Variants in PPP2R3A observed in about 807,000 individuals in gnomAD.
The protein encoded by PPP2R3A is serine/threonine-protein phosphatase 2A regulatory subunit B'' subunit alpha.
In PPP2R3A, 80 loss-of-function variants were observed where a neutral mutation model predicts 106.9. The ratio of observed to expected loss-of-function variants is 0.75; its 90% CI spans 0.62 to 0.90. The LOEUF is 0.90. PPP2R3A is among the 40% of genes least tolerant of loss of function. The pLI, the probability that PPP2R3A is intolerant of heterozygous loss-of-function variation, is 0.00. For synonymous variants in PPP2R3A, 483 were observed against 468.3 expected (o/e 1.03, Z -0.41); for missense variants, 1,386 against 1,350.4 (o/e 1.03, Z -0.41).
intron 13 of PPP2R3A, among the ~76,000 whole-genome samples, chr3:136,138,695 ATTTTTTTTTTTTTTTTTTT>A (rs747811648): frequency 7.9e-5 from 4 of 50,642 alleles, no homozygotes; most frequent in East Asian, 2.1e-3. Context: ...GAAATATTGA[ATTTTTTTTTTTTTTTTTTT>A]TTTTTTTTTT....
intron 13 of PPP2R3A, among the ~76,000 whole-genome samples, chr3:136,107,167 C>G (rs1408885147): frequency 6.6e-6 from 1 of 152,030 alleles, no homozygotes; most frequent in Admixed American, 6.6e-5. Flanking sequence ...CCATCATCTT[C>G]TAGTAACTCC....
rs551665333 is a variant in PPP2R3A, at chr3:135,987,681, C to T, written c.-440-13378C>T. On this transcript the variant is annotated intron_variant, in intron 1 of 13. Coordinates refer to ENST00000264977, the MANE Select transcript of PPP2R3A (RefSeq NM_002718.5). ...AGAATTGACTCACAGTAATTCTTCC[C>T]TCTCTGGCCATTTTTTGTCAGTCTC... 5.3e-5 allele frequency among the ~76,000 whole-genome samples: 8 copies of T among 151,822 alleles called. No homozygotes were observed. In the East Asian group the frequency reaches 5.8e-4, roughly 11 times the overall value.
At chr3:136,003,737 A>G (rs1396621097) in intron 2 of PPP2R3A, among the ~76,000 whole-genome samples, 1 of 152,068 alleles carries the variant, frequency 6.6e-6, no homozygotes, top group Non-Finnish European at 1.5e-5. Flanking sequence ...CATACCCTTC[A>G]TCTTCTTCCC....
At chr3:135,992,173 C>T (rs975657922) in intron 1 of PPP2R3A, among the ~76,000 whole-genome samples, 2 of 152,080 alleles carry the variant, frequency 1.3e-5, no homozygotes, top group Non-Finnish European at 1.5e-5. Context: ...TTCTTTTAAA[C>T]TGTTCTGTTG....
chr3:136,127,804 AAGC>A (rs1248888614), intron 13 of PPP2R3A, among the ~76,000 whole-genome samples: 1 of 152,170 alleles, frequency 6.6e-6, no homozygotes, highest in Non-Finnish European at 1.5e-5. Context: ...ATCAGACTAA[AAGC>A]AGATCTCTTG....
chr3:136,014,569 T>G (rs1367184332), intron 2 of PPP2R3A, among the ~76,000 whole-genome samples: 5 of 152,108 alleles, frequency 3.3e-5, no homozygotes, highest in African/African-American at 1.2e-4. Flanking sequence ...TGTATTTTAT[T>G]TATTTTGTTT....
At chr3:136,062,206 T>G (rs1936101379) in intron 5 of PPP2R3A, among the ~76,000 whole-genome samples, 1 of 152,100 alleles carries the variant, frequency 6.6e-6, no homozygotes, top group African/African-American at 2.4e-5. Flanking sequence ...TCTTAAATGG[T>G]TACTTGCATA....
intron 12 of PPP2R3A, among the ~76,000 whole-genome samples, chr3:136,103,610 T>C (rs1937438760): frequency 6.6e-6 from 1 of 152,192 alleles, no homozygotes; most frequent in Admixed American, 6.5e-5. Flanking sequence ...GAGCGGACTC[T>C]ATAGCTCATC....
At chr3:135,969,086 C>A (rs1937169354) in intron 1 of PPP2R3A, among the ~76,000 whole-genome samples, 1 of 152,084 alleles carries the variant, frequency 6.6e-6, no homozygotes, top group South Asian at 2.1e-4. Flanking sequence ...AATAAACACA[C>A]AAACACATAT....
At chr3:136,137,502 A>G (rs1219904056) in intron 13 of PPP2R3A, among the ~76,000 whole-genome samples, 1 of 119,518 alleles carries the variant, frequency 8.4e-6, no homozygotes, top group African/African-American at 3.0e-5. Flanking sequence ...TTTTTCCTTT[A>G]TATTAAAAAT....
At chr3:136,130,243 C>A (rs901103420) in intron 13 of PPP2R3A, among the ~76,000 whole-genome samples, 2 of 152,088 alleles carry the variant, frequency 1.3e-5, no homozygotes, top group East Asian at 3.9e-4. Flanking sequence ...TTTGCAGATG[C>A]CATGATTGTA....
intron 2 of PPP2R3A, among the ~76,000 whole-genome samples, chr3:136,016,479 T>G (rs1934271636): frequency 1.3e-5 from 2 of 152,166 alleles, no homozygotes; most frequent in African/African-American, 4.8e-5. Context: ...GTAGTAATTG[T>G]TTTATAAATT....
intron 4 of PPP2R3A, among the ~76,000 whole-genome samples, chr3:136,041,250 GTTTTTTTTTTT>G (rs1935267966): frequency 3.5e-5 from 2 of 56,588 alleles, no homozygotes; most frequent in Non-Finnish European, 7.4e-5. Flanking sequence ...TTTTTTTTTT[GTTTTTTTTTTT>G]GTTTTTTTTT....
At chr3:136,126,078 C>A (rs1938169418) in intron 13 of PPP2R3A, among the ~76,000 whole-genome samples, 1 of 152,202 alleles carries the variant, frequency 6.6e-6, no homozygotes, top group African/African-American at 2.4e-5. Context: ...ATGATCGATG[C>A]AGAAGATGGG....
At chr3:136,078,026 C>T (rs1936654086) in intron 6 of PPP2R3A, among the ~76,000 whole-genome samples, 1 of 152,172 alleles carries the variant, frequency 6.6e-6, no homozygotes, top group South Asian at 2.1e-4. Flanking sequence ...TACTTCCCAC[C>T]TCATATGCCT....
At chr3:136,117,797 A>T (rs1205793241) in intron 13 of PPP2R3A, among the ~76,000 whole-genome samples, 1 of 152,224 alleles carries the variant, frequency 6.6e-6, no homozygotes, top group Non-Finnish European at 1.5e-5. Context: ...TACCAGAGGT[A>T]CAAAGAGGAG....
chr3:136,099,829 T>C lies in PPP2R3A; in HGVS notation c.2928-2178T>C, dbSNP rs180926746. On this transcript the variant is annotated intron_variant, in intron 10 of 13. Transcript: ENST00000264977. ...TTGCACTGAGAAAACATCTCAAATT[T>C]GATTAGCCACATTTCAGATGCTCAA... Among the ~76,000 whole-genome samples the C allele has an allele frequency of 1.1e-3, 165 of 152,042 alleles. 2 individuals are homozygous for C. Among genetic ancestry groups the C allele is most frequent in the Non-Finnish European group, 8.8e-4 (60 of 67,980 alleles).
chr3:136,061,992 A>G (rs1452366953), intron 5 of PPP2R3A, among the ~76,000 whole-genome samples: 1 of 152,098 alleles, frequency 6.6e-6, no homozygotes, highest in Non-Finnish European at 1.5e-5. Flanking sequence ...ACATGCATAA[A>G]CATGTCCTTG....
At chr3:136,022,030 A>C (rs533848904) in intron 2 of PPP2R3A, among the ~76,000 whole-genome samples, 45 of 152,248 alleles carry the variant, frequency 3.0e-4, no homozygotes, top group African/African-American at 1.1e-3. Context: ...TTACCAAAGG[A>C]TGACTTTACT....
Sources: gnomAD v4.1 joint callset for allele counts (sites outside exome capture counted in the v4.1 genomes callset) on GRCh38, gnomAD v4.1.1 for gene constraint, MANE v1.5 for transcripts, NCBI Gene and HGNC (gene_info 2026-07-23, HGNC 2026-07-21) for gene names.